Variants in DLG2 observed in about 807,000 individuals in gnomAD.
DLG2 encodes discs large MAGUK scaffold protein 2, also known as disks large homolog 2.
A neutral mutation model predicts 132.5 loss-of-function variants in DLG2; 45 were observed. The observed-to-expected ratio is 0.34, with a 90% CI of 0.27 to 0.44. The LOEUF is 0.44. Among genes scored for constraint, DLG2 ranks in the 20% least tolerant of loss-of-function variants. The pLI is 1.00. For synonymous variants in DLG2, 424 were observed against 419.6 expected (o/e 1.01, Z -0.13); for missense variants, 1,045 against 1,196.9 (o/e 0.87, Z 1.87).
At chr11:84,015,139 A>C (rs557255437) in intron 11 of DLG2, among the ~76,000 whole-genome samples, 2 of 152,164 alleles carry the variant, frequency 1.3e-5, no homozygotes, top group Admixed American at 6.6e-5. Flanking sequence ...TATTCTCAGT[A>C]CTCAATAAAT....
At chr11:83,990,258 A>T (rs905768794) in intron 11 of DLG2, among the ~76,000 whole-genome samples, 5 of 152,176 alleles carry the variant, frequency 3.3e-5, no homozygotes, top group African/African-American at 1.2e-4. Flanking sequence ...TTTGGCAATC[A>T]CTTGACGCAC....
At chr11:84,524,618 G>A (rs1053698343) in intron 7 of DLG2, among the ~76,000 whole-genome samples, 2 of 152,140 alleles carry the variant, frequency 1.3e-5, no homozygotes, top group Non-Finnish European at 2.9e-5. Flanking sequence ...AAGACTAGAT[G>A]CTTCCAGGAT....
At chr11:84,566,128 T>C (rs2099454234) in intron 6 of DLG2, among the ~76,000 whole-genome samples, 1 of 151,876 alleles carries the variant, frequency 6.6e-6, no homozygotes, top group African/African-American at 2.4e-5. Flanking sequence ...CCAGCTAATT[T>C]TTTTTTGTAT....
intron 4 of DLG2, among the ~76,000 whole-genome samples, chr11:85,219,188 T>A (rs993523577): frequency 6.6e-6 from 1 of 151,958 alleles, no homozygotes; most frequent in African/African-American, 2.4e-5. Flanking sequence ...TATCCACATG[T>A]AACAAACCTG....
At chr11:85,122,277 G>C (rs927721766) in intron 5 of DLG2, among the ~76,000 whole-genome samples, 2 of 152,152 alleles carry the variant, frequency 1.3e-5, no homozygotes, top group Non-Finnish European at 2.9e-5. Flanking sequence ...AGTCTAGTAG[G>C]ACAATACCAA....
chr11:83,828,194 T>C (rs1394480059), intron 17 of DLG2, among the ~76,000 whole-genome samples: 2 of 152,152 alleles, frequency 1.3e-5, no homozygotes, highest in African/African-American at 4.8e-5. Context: ...ACTTCCCTTT[T>C]CTGTATAGGC....
chr11:85,427,971 G>T (rs1218705669), intron 3 of DLG2, among the ~76,000 whole-genome samples: 2 of 152,156 alleles, frequency 1.3e-5, no homozygotes, highest in Non-Finnish European at 2.9e-5. Flanking sequence ...GGCAGAGGTT[G>T]CAATCCTAGT....
chr11:84,703,857 G>GATATATATGTGTGT (rs1555174774), intron 6 of DLG2, among the ~76,000 whole-genome samples: 1 of 102,714 alleles, frequency 9.7e-6, no homozygotes, highest in African/African-American at 4.1e-5. Context: ...ATGTAGTGAA[G>GATATATATGTGTGT]ATATATATAT....
chr11:85,144,101 G>A (rs1045264267), intron 5 of DLG2, among the ~76,000 whole-genome samples: 53 of 151,812 alleles, frequency 3.5e-4, no homozygotes, highest in African/African-American at 1.1e-3. Context: ...ATATATATGG[G>A]TGCTCTAGTG....
intron 7 of DLG2, among the ~76,000 whole-genome samples, chr11:84,439,666 T>C (rs1234547322): frequency 6.6e-6 from 1 of 152,216 alleles, no homozygotes; most frequent in African/African-American, 2.4e-5. Context: ...TTCAAAGAGC[T>C]ACTCAGCAGG....
chr11:84,596,807 T>C (rs1419586622), intron 6 of DLG2, among the ~76,000 whole-genome samples: 4 of 152,190 alleles, frequency 2.6e-5, no homozygotes, highest in South Asian at 4.1e-4. Flanking sequence ...GTTAACTTAA[T>C]TGTACGAAAT....
In DLG2 at chr11:84,934,504, GTTTTTTTTTTGTTTTGTTTTGTT is replaced by G. The variant is rs1446622302; in HGVS notation, c.357+177134_357+177156del. On this transcript the variant is annotated intron_variant, in intron 6 of 27. Coordinates refer to ENST00000376104, the MANE Select transcript of DLG2 (RefSeq NM_001142699.3). ...TCTGTGAATCTGTATGGTCCTGGGT[GTTTTTTTTTTGTTTTGTTTTGTT>G]TTTTTTTTTTTTTTTTTTTGGTGGG... Among the ~76,000 whole-genome samples the G allele has an allele frequency of 2.4e-3, 81 of 33,886 alleles. 6 individuals are homozygous for G. Among genetic ancestry groups the G allele is most frequent in the Middle Eastern group, 0.02 (1 of 50 alleles). The allele number at this position is 33,886 out of a possible 152,430, so 22.2% of individuals were successfully genotyped here.
intron 7 of DLG2, among the ~76,000 whole-genome samples, chr11:84,271,110 A>G (rs2097716367): frequency 6.6e-6 from 1 of 152,220 alleles, no homozygotes; most frequent in Non-Finnish European, 1.5e-5. Context: ...TCAGTTTATA[A>G]AGAGTTATTC....
At chr11:83,893,451 T>C (rs10898176) in intron 15 of DLG2, among the ~76,000 whole-genome samples, 64,088 of 152,024 alleles carry the variant, frequency 0.42, 13,899 homozygotes, top group South Asian at 0.6. Flanking sequence ...CTCAGATATT[T>C]TCGCTAGTTC....
At chr11:84,422,891 T>C (rs1601850351) in intron 7 of DLG2, among the ~76,000 whole-genome samples, 2 of 152,294 alleles carry the variant, frequency 1.3e-5, no homozygotes, top group East Asian at 3.9e-4. Flanking sequence ...TTGTATTACT[T>C]GCAACAAAAT....
chr11:84,903,614 G>A (rs2091169149), intron 6 of DLG2, among the ~76,000 whole-genome samples: 1 of 152,100 alleles, frequency 6.6e-6, no homozygotes, highest in Non-Finnish European at 1.5e-5. Flanking sequence ...TTTCATAGAT[G>A]TTTCAAAAAG....
intron 21 of DLG2, among the ~76,000 whole-genome samples, chr11:83,498,140 G>A (rs1459673383): frequency 1.3e-5 from 2 of 151,996 alleles, no homozygotes; most frequent in African/African-American, 2.4e-5. Context: ...TTCACATAAT[G>A]AAGTGTTATG....
chr11:83,996,914 A>G (rs12418356), intron 11 of DLG2, among the ~76,000 whole-genome samples: 98,264 of 151,910 alleles, frequency 0.65, 35,071 homozygotes, highest in Non-Finnish European at 0.81. Flanking sequence ...TATAGTCCAA[A>G]AAGACAAGTA....
chr11:85,434,255 T>C (rs959872456), intron 3 of DLG2, among the ~76,000 whole-genome samples: 2 of 151,730 alleles, frequency 1.3e-5, no homozygotes, highest in Non-Finnish European at 2.9e-5. Context: ...ACATCACAGT[T>C]AAAAGAACTA....
Sources: gnomAD v4.1 joint callset for allele counts (sites outside exome capture counted in the v4.1 genomes callset) on GRCh38, gnomAD v4.1.1 for gene constraint, MANE v1.5 for transcripts, NCBI Gene and HGNC (gene_info 2026-07-23, HGNC 2026-07-21) for gene names.